PKHD1L1: variants seen among roughly 807,000 people sequenced by gnomAD.
PKHD1L1 encodes fibrocystin-L.
PKHD1L1 carries 434 observed loss-of-function variants against 462.9 expected under a neutral mutation model. The ratio of observed to expected loss-of-function variants is 0.94; its 90% CI spans 0.87 to 1.02. The LOEUF is 1.02. Ranked by LOEUF, PKHD1L1 falls within the 50% of genes least tolerant of loss-of-function variation. The probability of loss-of-function intolerance (pLI) is 0.00; values close to 1 mark genes in which losing one functional copy is unlikely to be tolerated. For missense variants in PKHD1L1, 5,202 were observed against 5,096.1 expected (o/e 1.02, Z -0.63); for synonymous variants, 1,781 against 1,750.0 (o/e 1.02, Z -0.44).
Position 109,443,661 on chromosome 8 carries a change from T to C in PKHD1L1, c.4565-15T>C. 1 of 1,593,806 alleles carries C rather than the reference T, an allele frequency of 6.3e-7. No individual in the cohort carries two copies. The highest frequency in any genetic ancestry group is 8.5e-7 in the Non-Finnish European group (1 of 1,169,724). ...ATGTTATTCATGACTTAACGGGCAG[T>C]TCTTTTGTCTAAAGGAGGACCTGAG... On this transcript the variant is annotated splice_polypyrimidine_tract_variant and intron_variant, in intron 36 of 77. Transcript: ENST00000378402.
chr8:109,432,043 C>T (rs1158901048), intron 27 of PKHD1L1, among the ~76,000 whole-genome samples: 3 of 152,108 alleles, frequency 2.0e-5, no homozygotes, highest in Non-Finnish European at 4.4e-5. Context: ...TTTCTATTCC[C>T]TTATTAGTAA....
At chr8:109,520,322 C>T (rs549163279) in intron 73 of PKHD1L1, among the ~76,000 whole-genome samples, 1 of 152,202 alleles carries the variant, frequency 6.6e-6, no homozygotes, top group East Asian at 1.9e-4. Flanking sequence ...GATTACTCAC[C>T]TACTCTTAGA....
intron 21 of PKHD1L1, among the ~76,000 whole-genome samples, chr8:109,415,194 G>A (rs780384534): frequency 1.3e-5 from 2 of 151,534 alleles, no homozygotes; most frequent in Non-Finnish European, 2.9e-5. Context: ...TAGAGATTGG[G>A]TCTTGCCATG....
Position 109,444,776 on chromosome 8 carries a change from CTG to C in PKHD1L1, c.4909_4910del (p.Val1637LeufsTer13), listed in dbSNP as rs777678458. Reference sequence around the variant, plus strand: ...GGTATCAGGGAAACTGTCACTTTGACTGTCTACAACCTGGGCACTGCTATCAA... The same window carrying C: ...GGTATCAGGGAAACTGTCACTTTGACTCTACAACCTGGGCACTGCTATCAA... On this transcript the variant is annotated frameshift_variant, in exon 38 of 78. Transcript: ENST00000378402. LOFTEE classifies it high-confidence loss of function. 6 of 1,613,998 alleles carry C rather than the reference CTG, an allele frequency of 3.7e-6. No homozygotes were observed. The highest frequency in any genetic ancestry group is 5.1e-6 in the Non-Finnish European group (6 of 1,179,884).
At chr8:109,509,296 A>G (rs1172512860) in intron 70 of PKHD1L1, among the ~76,000 whole-genome samples, 1 of 151,996 alleles carries the variant, frequency 6.6e-6, no homozygotes, top group South Asian at 2.1e-4. Flanking sequence ...ACTGTCAATG[A>G]ATAATGGAGT....
At position 109,400,042 on chromosome 8, in the gene PKHD1L1, T is replaced by G. The variant is rs757506140; in HGVS notation, c.1013-34T>G. The G allele has an allele frequency of 1.9e-6, 3 of 1,571,784 alleles. No homozygotes were observed. The East Asian group carries it at 6.7e-5, about 35-fold the overall frequency. On this transcript the variant is annotated intron_variant, in intron 12 of 77. Coordinates refer to ENST00000378402, the MANE Select transcript of PKHD1L1 (RefSeq NM_177531.6). ...CCATTGAGGCATTGCATTATGATCCTGATGAAAGTCTTATTTTATTTCATT... is the reference window on the plus strand; with the variant it reads ...CCATTGAGGCATTGCATTATGATCCGGATGAAAGTCTTATTTTATTTCATT...
intron 2 of PKHD1L1, 123 bp downstream of exon 2, chr8:109,364,759 C>A: frequency 1.5e-6 from 1 of 674,012 alleles, no homozygotes; most frequent in Non-Finnish European, 2.5e-6. Flanking sequence ...TTCACTTGGC[C>A]AGAATAGTAA....
chr8:109,363,349 C>T (rs1461910660), intron 1 of PKHD1L1, among the ~76,000 whole-genome samples: 1 of 152,062 alleles, frequency 6.6e-6, no homozygotes, highest in Non-Finnish European at 1.5e-5. Flanking sequence ...AAAGACAGAC[C>T]CGAGGTACAG....
intron 71 of PKHD1L1, among the ~76,000 whole-genome samples, chr8:109,511,904 G>A (rs180889366): frequency 0.048 from 7,301 of 152,186 alleles, 426 homozygotes; most frequent in African/African-American, 0.13. Flanking sequence ...GTGTGAGATG[G>A]TATCTCATTG....
At chr8:109,414,406 C>T (rs944798187) in intron 21 of PKHD1L1, among the ~76,000 whole-genome samples, 1 of 152,098 alleles carries the variant, frequency 6.6e-6, no homozygotes, top group Non-Finnish European at 1.5e-5. Context: ...TTTCTCTCTA[C>T]AATTGTAGAA....
chr8:109,391,573 G>A (rs781273844), intron 9 of PKHD1L1, among the ~76,000 whole-genome samples: 12 of 152,148 alleles, frequency 7.9e-5, no homozygotes, highest in African/African-American at 2.9e-4. Context: ...AGATGTCATA[G>A]TGTCTCCCAT....
intron 32 of PKHD1L1, among the ~76,000 whole-genome samples, chr8:109,439,597 C>A (rs1319782355): frequency 2.6e-5 from 4 of 152,080 alleles, no homozygotes; most frequent in Admixed American, 1.3e-4. Flanking sequence ...GGGAAAAGTT[C>A]TCTGAAAAGC....
chr8:109,393,985 A>G (rs1220893232), intron 9 of PKHD1L1, among the ~76,000 whole-genome samples: 1 of 152,078 alleles, frequency 6.6e-6, no homozygotes, highest in African/African-American at 2.4e-5. Flanking sequence ...CATCCTGGCC[A>G]ACATAGTGAA....
chr8:109,464,437 C>A lies in PKHD1L1; in HGVS notation c.7605C>A (p.Gly2535=). ...AFFIEDGIEH[G]NILQYNLAVF... The stretch of plus-strand genomic sequence containing the variant: ...TTATAGAAGATGGTATTGAACATGG[C>A]AATATCCTCCAGTATAACTTGGCAG... The change falls in exon 49 of 78, where the codon GGC becomes GGA. Residue 2535 remains glycine (G), a synonymous_variant. Coordinates refer to ENST00000378402, the MANE Select transcript of PKHD1L1 (RefSeq NM_177531.6). The A allele has an allele frequency of 6.2e-7, 1 of 1,613,598 alleles. No individual in the cohort carries two copies. Among genetic ancestry groups the A allele is most frequent in the South Asian group, 1.1e-5 (1 of 91,064 alleles).
At chr8:109,491,156 T>A in intron 61 of PKHD1L1, 55 bp downstream of exon 61, 1 of 1,528,766 alleles carries the variant, frequency 6.5e-7, no homozygotes, top group Non-Finnish European at 8.9e-7. Context: ...CTTTCTTATC[T>A]ATATACTCTA....
intron 50 of PKHD1L1, among the ~76,000 whole-genome samples, chr8:109,474,602 T>C (rs762221876): frequency 1.3e-5 from 2 of 152,094 alleles, no homozygotes; most frequent in Non-Finnish European, 2.9e-5. Context: ...TAATATGTGT[T>C]GTACAGATTT....
intron 77 of PKHD1L1, among the ~76,000 whole-genome samples, chr8:109,527,264 G>A (rs1035841003): frequency 4.6e-5 from 7 of 152,168 alleles, no homozygotes; most frequent in African/African-American, 1.2e-4. Context: ...CATTTTGGGC[G>A]GCTGAGGCAG....
chr8:109,406,532 C>G, intron 17 of PKHD1L1, 54 bp downstream of exon 17: 2 of 1,466,934 alleles, frequency 1.4e-6, no homozygotes, highest in South Asian at 2.9e-5. Flanking sequence ...ATATCCTGTG[C>G]CACTCTAAAA....
At chr8:109,389,037 T>G (rs192828529) in intron 7 of PKHD1L1, 42 bp from the exon 8 acceptor site, 2 of 1,260,978 alleles carry the variant, frequency 1.6e-6, no homozygotes, top group East Asian at 4.9e-5. Flanking sequence ...TCTAAAATTT[T>G]AGTGTCTATA....
Sources: gnomAD v4.1 joint callset for allele counts (sites outside exome capture counted in the v4.1 genomes callset) on GRCh38, gnomAD v4.1.1 for gene constraint, MANE v1.5 for transcripts, NCBI Gene and HGNC (gene_info 2026-07-23, HGNC 2026-07-21) for gene names.